The following SLC2A9 variants were observed in gnomAD, a reference collection of about 807,000 sequenced individuals.
SLC2A9 encodes the protein solute carrier family 2 member 9.
SLC2A9 carries 39 observed loss-of-function variants against 50.6 expected under a neutral mutation model. The observed-to-expected ratio is 0.77, with a 90% CI of 0.60 to 1.01. The LOEUF (loss-of-function observed/expected upper bound fraction) is 1.01. Among genes scored for constraint, SLC2A9 ranks in the 50% least tolerant of loss-of-function variants. The pLI, the probability that SLC2A9 is intolerant of heterozygous loss-of-function variation, is 0.00. For missense variants in SLC2A9, 686 were observed against 677.6 expected (o/e 1.01, Z -0.14); for synonymous variants, 324 against 276.9 (o/e 1.17, Z -1.69).
At chr4:9,936,467 G>A (rs995185382) in intron 6 of SLC2A9, among the ~76,000 whole-genome samples, 2 of 152,212 alleles carry the variant, frequency 1.3e-5, no homozygotes, top group Non-Finnish European at 2.9e-5. Flanking sequence ...CAGAGAGCCA[G>A]GGAGCATGAT....
At chr4:9,783,276 A>G in intron 3 of SLC2A9, 1 of 1,614,076 alleles carries the variant, frequency 6.2e-7, no homozygotes, top group Non-Finnish European at 8.5e-7. Flanking sequence ...ATGATGCCCA[A>G]CGCCGTTACC....
chr4:9,810,287 C>G (rs1722707888), intron 3 of SLC2A9, among the ~76,000 whole-genome samples: 1 of 151,868 alleles, frequency 6.6e-6, no homozygotes, highest in Admixed American at 6.6e-5. Context: ...GGTGAAGAGC[C>G]TCTTTCTGCT....
At chr4:9,832,430 A>C (rs1165019294) in intron 11 of SLC2A9, among the ~76,000 whole-genome samples, 1 of 152,104 alleles carries the variant, frequency 6.6e-6, no homozygotes, top group African/African-American at 2.4e-5. Context: ...CAAAATACTA[A>C]ACGTATCTAC....
downstream of SLC2A9, among the ~76,000 whole-genome samples, chr4:9,795,043 A>G (rs1425988473): frequency 1.7e-5 from 2 of 115,070 alleles, no homozygotes; most frequent in Non-Finnish European, 3.4e-5. Flanking sequence ...ACAAAGTCTC[A>G]CTCTGTCACC....
At chr4:9,857,120 A>G (rs4575993) in intron 10 of SLC2A9, among the ~76,000 whole-genome samples, 63,806 of 152,064 alleles carry the variant, frequency 0.42, 15,744 homozygotes, top group Non-Finnish European at 0.56. Context: ...TTAAAAAAAG[A>G]AAAAAGCGTT....
At chr4:9,778,038 T>TTC (rs1445539031), downstream of SLC2A9, among the ~76,000 whole-genome samples, 306 of 130,108 alleles carry the variant, frequency 2.4e-3, 1 homozygote, top group African/African-American at 8.8e-3. Flanking sequence ...TACTTCTATT[T>TTC]TCTTTCTTTC....
In SLC2A9 at chr4:9,988,328, G is replaced by C. The variant is rs539988788; in HGVS notation, c.411-2535C>G. On this transcript the variant is annotated intron_variant, in intron 3 of 11. Transcript: ENST00000264784. ...AGCTTTGGTCTGAACCCTTACTTTG[G>C]ACATGATGGTGTATTTTGTGCTAAT... Among the ~76,000 whole-genome samples, 10 of 152,354 alleles carry C rather than the reference G, an allele frequency of 6.6e-5. No individual in the cohort carries two copies. In the South Asian group the frequency reaches 1.2e-3, roughly 19 times the overall value.
At chr4:9,777,401 G>T (rs928031105), downstream of SLC2A9, among the ~76,000 whole-genome samples, 22 of 150,898 alleles carry the variant, frequency 1.5e-4, no homozygotes, top group African/African-American at 4.9e-4. Flanking sequence ...ATCATCTTCT[G>T]CTAGAAGTTT....
At chr4:9,911,616 A>T (rs989122190) in intron 7 of SLC2A9, among the ~76,000 whole-genome samples, 1 of 152,222 alleles carries the variant, frequency 6.6e-6, no homozygotes, top group Non-Finnish European at 1.5e-5. Flanking sequence ...CTGGAGGCAT[A>T]GAGTGGGGAT....
At chr4:9,818,632 G>A (rs1107911) in intron 3 of SLC2A9, among the ~76,000 whole-genome samples, 2 of 152,184 alleles carry the variant, frequency 1.3e-5, no homozygotes, top group African/African-American at 4.8e-5. Flanking sequence ...GGGGCTGCTG[G>A]CCAAGGCCAA....
At chr4:10,029,710 G>A (rs963762524) in intron 1 of SLC2A9, among the ~76,000 whole-genome samples, 10 of 151,862 alleles carry the variant, frequency 6.6e-5, no homozygotes, top group Admixed American at 2.0e-4. Context: ...TCTGCCTCCC[G>A]GGTTCAAGCG....
At chr4:9,863,947 G>T (rs1409356340) in intron 10 of SLC2A9, among the ~76,000 whole-genome samples, 2 of 152,056 alleles carry the variant, frequency 1.3e-5, no homozygotes, top group African/African-American at 4.8e-5. Context: ...AGAAATCAAA[G>T]ACTGTGATGC....
chr4:9,962,459 A>T (rs1235229535), intron 5 of SLC2A9, among the ~76,000 whole-genome samples: 8 of 152,200 alleles, frequency 5.3e-5, no homozygotes, highest in Non-Finnish European at 1.2e-4. Flanking sequence ...CAGCAAACTA[A>T]CACAGAAACA....
chr4:9,789,597 G>A (rs1162414422), intron 3 of SLC2A9, among the ~76,000 whole-genome samples: 2 of 152,244 alleles, frequency 1.3e-5, no homozygotes, highest in East Asian at 1.9e-4. Context: ...TGATATGAGG[G>A]GAGAGTTAAG....
intron 1 of SLC2A9, among the ~76,000 whole-genome samples, chr4:10,028,788 A>T (rs1241005631): frequency 6.6e-6 from 1 of 152,116 alleles, no homozygotes; most frequent in East Asian, 1.9e-4. Context: ...GTCCTAGGGA[A>T]CCTGCTGGAT....
At chr4:9,973,391 C>T (rs374366085) in intron 5 of SLC2A9, among the ~76,000 whole-genome samples, 28 of 152,250 alleles carry the variant, frequency 1.8e-4, no homozygotes, top group Admixed American at 3.3e-4. Flanking sequence ...ACCAATCCTG[C>T]TGAAACTATT....
At chr4:9,833,521 G>A (rs1726525850) in intron 11 of SLC2A9, among the ~76,000 whole-genome samples, 1 of 152,188 alleles carries the variant, frequency 6.6e-6, no homozygotes, top group Non-Finnish European at 1.5e-5. Context: ...TCAGGACTGT[G>A]TGAGGGTGAT....
intron 2 of SLC2A9, among the ~76,000 whole-genome samples, chr4:10,011,819 T>C (rs1056329983): frequency 2.0e-5 from 3 of 152,164 alleles, no homozygotes; most frequent in African/African-American, 7.2e-5. Context: ...TTCAGGAAGA[T>C]TTAGGTGCTC....
intron 3 of SLC2A9, among the ~76,000 whole-genome samples, chr4:9,815,319 C>T (rs1723427954): frequency 6.6e-6 from 1 of 152,222 alleles, no homozygotes; most frequent in South Asian, 2.1e-4. Context: ...AAGAATTGGG[C>T]TGACTTCACA....
Sources: allele counts gnomAD v4.1 joint callset (sites outside exome capture counted in the v4.1 genomes callset), GRCh38; gene constraint gnomAD v4.1.1; transcripts MANE v1.5; gene names NCBI Gene and HGNC (gene_info 2026-07-23, HGNC 2026-07-21).